The following MAGI3 variants were observed in gnomAD, a reference collection of about 807,000 sequenced individuals.
MAGI3 encodes membrane-associated guanylate kinase, WW and PDZ domain-containing protein 3.
In MAGI3, 43 loss-of-function variants were observed where a neutral mutation model predicts 121.8. That is an observed-to-expected ratio of 0.35 (90% confidence interval 0.28 to 0.46). The LOEUF (loss-of-function observed/expected upper bound fraction) is 0.46. Among genes scored for constraint, MAGI3 ranks in the 20% least tolerant of loss-of-function variants. The probability of loss-of-function intolerance (pLI) is 1.00; values close to 1 mark genes in which losing one functional copy is unlikely to be tolerated. For missense variants in MAGI3, 1,547 were observed against 1,797.3 expected, an observed-to-expected ratio of 0.86 and a Z score of 2.52; for synonymous variants, 553 against 639.3, an observed-to-expected ratio of 0.86 and a Z score of 2.04.
At chr1:113,476,916 G>A (rs1275807520) in intron 1 of MAGI3, among the ~76,000 whole-genome samples, 2 of 152,184 alleles carry the variant, frequency 1.3e-5, no homozygotes, top group Non-Finnish European at 2.9e-5. Context: ...CCTGGATTGG[G>A]TGCATATGTA....
chr1:113,643,233 C>A (rs1891969), intron 10 of MAGI3, among the ~76,000 whole-genome samples: 52,523 of 152,026 alleles, frequency 0.35, 10,150 homozygotes, highest in South Asian at 0.5. Flanking sequence ...AGAATAAAAG[C>A]CACTTACTCT....
intron 1 of MAGI3, among the ~76,000 whole-genome samples, chr1:113,465,159 A>G (rs1396792897): frequency 6.6e-6 from 1 of 151,920 alleles, no homozygotes; most frequent in African/African-American, 2.4e-5. Context: ...TATTTTATCC[A>G]TTTTGCTTTG....
intron 19 of MAGI3, among the ~76,000 whole-genome samples, chr1:113,678,570 T>C (rs1031415611): frequency 6.6e-6 from 1 of 152,244 alleles, no homozygotes; most frequent in Non-Finnish European, 1.5e-5. Context: ...GTCTATTTCA[T>C]AGTTGACTTG....
At chr1:113,617,885 T>C (rs1334953526) in intron 7 of MAGI3, among the ~76,000 whole-genome samples, 1 of 152,192 alleles carries the variant, frequency 6.6e-6, no homozygotes, top group East Asian at 1.9e-4. Context: ...AGCAGAAGCA[T>C]ACTTGAGTGT....
intron 1 of MAGI3, among the ~76,000 whole-genome samples, chr1:113,432,657 G>A (rs1326867468): frequency 6.6e-6 from 1 of 151,522 alleles, no homozygotes; most frequent in Non-Finnish European, 1.5e-5. Flanking sequence ...TTAAAGGAAG[G>A]ATTTTATGTT....
At chr1:113,663,235 A>AATAT (rs3081634) in intron 16 of MAGI3, among the ~76,000 whole-genome samples, 59,974 of 143,672 alleles carry the variant, frequency 0.42, 12,799 homozygotes, top group African/African-American at 0.51. Context: ...CAAAAACAGA[A>AATAT]ATATATATAT....
At chr1:113,517,374 A>G (rs2101621692) in intron 1 of MAGI3, among the ~76,000 whole-genome samples, 1 of 151,952 alleles carries the variant, frequency 6.6e-6, no homozygotes, top group South Asian at 2.1e-4. Flanking sequence ...ATATGTCTCT[A>G]GGGAGCAAAA....
chr1:113,614,502 C>G lies in MAGI3; in HGVS notation c.1019-99C>G, dbSNP rs1300739534. ...AAAGTGAGCCCTCAGCTTTCTGACA[C>G]CCAAATATTAGTATAATGAAATAAT... is the stretch of plus-strand genomic sequence containing the variant. On this transcript the variant is annotated intron_variant, in intron 6 of 20. Transcript: ENST00000307546. 3 of 934,296 alleles carry G rather than the reference C, an allele frequency of 3.2e-6. No individual in the cohort carries two copies. In the African/African-American group the frequency reaches 5.0e-5, roughly 16 times the overall value. 57.9% of individuals were successfully genotyped at this position (934,296 alleles called of 1,614,324 possible).
At chr1:113,625,056 T>C (rs2101793643) in intron 9 of MAGI3, among the ~76,000 whole-genome samples, 1 of 152,318 alleles carries the variant, frequency 6.6e-6, no homozygotes, top group African/African-American at 2.4e-5. Flanking sequence ...GGTCTATGTG[T>C]CTGTTTTTAT....
intron 2 of MAGI3, among the ~76,000 whole-genome samples, chr1:113,575,414 C>A (rs1428363998): frequency 6.6e-6 from 1 of 152,134 alleles, no homozygotes; most frequent in Non-Finnish European, 1.5e-5. Context: ...TTATTGCTTT[C>A]TGTTTGTTAG....
chr1:113,636,916 A>G (rs1652066508), intron 9 of MAGI3, among the ~76,000 whole-genome samples: 1 of 152,160 alleles, frequency 6.6e-6, no homozygotes, highest in Admixed American at 6.6e-5. Flanking sequence ...GTGCTCCTGT[A>G]TTGGGTGCAT....
At chr1:113,590,398 GA>G (rs200047988) in intron 4 of MAGI3, 85 bp from the exon 5 acceptor site, 1 of 1,308,756 alleles carries the variant, frequency 7.6e-7, no homozygotes, top group Non-Finnish European at 1.0e-6. Context: ...TATGTATTTG[GA>G]ATTTTTTTAG....
chr1:113,461,525 A>C (rs2101517552), intron 1 of MAGI3, among the ~76,000 whole-genome samples: 1 of 152,350 alleles, frequency 6.6e-6, no homozygotes, highest in Non-Finnish European at 1.5e-5. Flanking sequence ...AGCCATATGC[A>C]GAAGATTGAA....
intron 3 of MAGI3, among the ~76,000 whole-genome samples, chr1:113,581,453 T>C (rs1648021475): frequency 6.6e-6 from 1 of 152,178 alleles, no homozygotes; most frequent in Non-Finnish European, 1.5e-5. Context: ...TTTCTCTCTT[T>C]AGCAGCACCA....
At chr1:113,440,024 A>G (rs745609879) in intron 1 of MAGI3, among the ~76,000 whole-genome samples, 30 of 151,508 alleles carry the variant, frequency 2.0e-4, no homozygotes, top group Non-Finnish European at 1.0e-4. Flanking sequence ...CCTGGATTTG[A>G]GTTCTAGTTT....
chr1:113,626,128 G>T (rs1018227428), intron 9 of MAGI3, among the ~76,000 whole-genome samples: 3 of 152,052 alleles, frequency 2.0e-5, no homozygotes, highest in African/African-American at 7.2e-5. Flanking sequence ...AGCACGCCTG[G>T]CTAATTTTAT....
chr1:113,549,691 C>T (rs1032225858), intron 2 of MAGI3, 60 bp downstream of exon 2: 4 of 865,484 alleles, frequency 4.6e-6, no homozygotes, highest in African/African-American at 1.7e-5. Flanking sequence ...ACTAATTAAA[C>T]ATCTACAGAT....
intron 11 of MAGI3, among the ~76,000 whole-genome samples, chr1:113,645,641 C>T (rs1209330179): frequency 1.3e-5 from 2 of 152,062 alleles, no homozygotes; most frequent in African/African-American, 4.8e-5. Context: ...TTGAAGGGTC[C>T]CCTCTAGCAC....
chr1:113,435,673 G>C (rs900582827), intron 1 of MAGI3, among the ~76,000 whole-genome samples: 1 of 151,944 alleles, frequency 6.6e-6, no homozygotes. Flanking sequence ...ATTATGAAGA[G>C]GAATTCAACA....
Sources: allele counts gnomAD v4.1 joint callset (sites outside exome capture counted in the v4.1 genomes callset), GRCh38; gene constraint gnomAD v4.1.1; transcripts MANE v1.5; gene names NCBI Gene and HGNC (gene_info 2026-07-23, HGNC 2026-07-21).